Variants in CDK17 observed in about 807,000 individuals in gnomAD.
CDK17 encodes cyclin-dependent kinase 17.
A neutral mutation model predicts 77.6 loss-of-function variants in CDK17; 24 were observed. The ratio of observed to expected loss-of-function variants is 0.31; its 90% CI spans 0.22 to 0.44. The LOEUF is 0.44. CDK17 is among the 20% of genes least tolerant of loss of function. CDK17 has a pLI of 1.00. For missense variants in CDK17, 429 were observed against 622.5 expected, an observed-to-expected ratio of 0.69 and a Z score of 3.31; for synonymous variants, 203 against 210.4, an observed-to-expected ratio of 0.96 and a Z score of 0.30.
intron 3 of CDK17, among the ~76,000 whole-genome samples, chr12:96,316,614 C>A (rs535111004): frequency 2.2e-5 from 3 of 136,418 alleles, no homozygotes; most frequent in Non-Finnish European, 4.8e-5. Flanking sequence ...GATCTGAGAA[C>A]GGGCAGACTG....
chr12:96,286,262 G>C, intron 12 of CDK17, 114 bp from the exon 13 acceptor site: 1 of 277,754 alleles, frequency 3.6e-6, no homozygotes, highest in Non-Finnish European at 6.3e-6. Context: ...ACATTTACCA[G>C]ATGACTTAAC....
intron 1 of CDK17, among the ~76,000 whole-genome samples, chr12:96,358,619 C>T (rs867358197): frequency 1.3e-5 from 2 of 151,806 alleles, no homozygotes; most frequent in African/African-American, 2.4e-5. Flanking sequence ...GTCAGGAGTT[C>T]GAGACCAGCC....
intron 1 of CDK17, among the ~76,000 whole-genome samples, chr12:96,346,080 T>C (rs1953206483): frequency 6.6e-6 from 1 of 152,144 alleles, no homozygotes; most frequent in Non-Finnish European, 1.5e-5. Context: ...TCCCAGGACT[T>C]TGGGAAGTGG....
intron 1 of CDK17, among the ~76,000 whole-genome samples, chr12:96,355,580 G>C (rs1010219561): frequency 6.6e-6 from 1 of 151,626 alleles, no homozygotes; most frequent in Non-Finnish European, 1.5e-5. Context: ...AATTTTTTCT[G>C]TATTTTTAGT....
chr12:96,379,841 T>C (rs1953847360), intron 1 of CDK17, among the ~76,000 whole-genome samples: 1 of 152,144 alleles, frequency 6.6e-6, no homozygotes, highest in Non-Finnish European at 1.5e-5. Context: ...GTTTCTAAAT[T>C]AAACACACAT....
intron 1 of CDK17, among the ~76,000 whole-genome samples, chr12:96,338,774 T>G (rs1359333621): frequency 3.3e-5 from 5 of 151,148 alleles, no homozygotes; most frequent in Non-Finnish European, 7.4e-5. Context: ...CACTAAGGTT[T>G]TTTTTTTTTT....
At chr12:96,289,090 T>TAC in intron 11 of CDK17, 77 bp downstream of exon 11, 1 of 1,444,078 alleles carries the variant, frequency 6.9e-7, no homozygotes, top group Non-Finnish European at 9.7e-7. Context: ...TAAAAGTATA[T>TAC]ACTTATCAAT....
chr12:96,381,766 C>A (rs549295504), intron 1 of CDK17, among the ~76,000 whole-genome samples: 2 of 151,070 alleles, frequency 1.3e-5, no homozygotes, highest in African/African-American at 4.9e-5. Flanking sequence ...AACAACTTAT[C>A]TAGTTTTTTT....
chr12:96,284,253 G>T (rs986204234), intron 13 of CDK17, among the ~76,000 whole-genome samples: 1 of 151,998 alleles, frequency 6.6e-6, no homozygotes, highest in African/African-American at 2.4e-5. Context: ...GGTGGATCAC[G>T]AGGTCAGGAG....
intron 3 of CDK17, among the ~76,000 whole-genome samples, chr12:96,322,548 G>A (rs1952836163): frequency 6.6e-6 from 1 of 151,348 alleles, no homozygotes; most frequent in African/African-American, 2.4e-5. Context: ...ATAAGCCAGG[G>A]CCTGATCTGT....
intron 1 of CDK17, among the ~76,000 whole-genome samples, chr12:96,377,772 C>A (rs996443653): frequency 2.0e-5 from 3 of 147,986 alleles, no homozygotes; most frequent in African/African-American, 7.5e-5. Flanking sequence ...CGGCTCACTG[C>A]AAGCTCCCCC....
At chr12:96,394,583 G>A (rs1272387093) in intron 1 of CDK17, among the ~76,000 whole-genome samples, 1 of 151,826 alleles carries the variant, frequency 6.6e-6, no homozygotes, top group South Asian at 2.1e-4. Context: ...GGGAGACCGA[G>A]GTGCACAGAT....
At chr12:96,283,269 G>C (rs1287621460) in intron 14 of CDK17, among the ~76,000 whole-genome samples, 1 of 152,040 alleles carries the variant, frequency 6.6e-6, no homozygotes, top group African/African-American at 2.4e-5. Flanking sequence ...AATATGAATG[G>C]CATTTGGAGG....
At chr12:96,343,520 G>A (rs754691288) in intron 1 of CDK17, among the ~76,000 whole-genome samples, 5 of 152,302 alleles carry the variant, frequency 3.3e-5, no homozygotes, top group East Asian at 1.9e-4. Flanking sequence ...TGGGGCTACC[G>A]GGCAGGGGAG....
intron 13 of CDK17, among the ~76,000 whole-genome samples, chr12:96,285,505 G>GA (rs1952234508): frequency 6.6e-6 from 1 of 152,106 alleles, no homozygotes; most frequent in South Asian, 2.1e-4. Context: ...GTTATCTCCT[G>GA]AAAATGTAAT....
At chr12:96,327,021 T>C (rs1952900059) in intron 2 of CDK17, among the ~76,000 whole-genome samples, 1 of 152,180 alleles carries the variant, frequency 6.6e-6, no homozygotes, top group Non-Finnish European at 1.5e-5. Flanking sequence ...TAGGGAAGAC[T>C]ACAAAAGGTA....
At chr12:96,355,864 A>T (rs1953386265) in intron 1 of CDK17, among the ~76,000 whole-genome samples, 1 of 152,250 alleles carries the variant, frequency 6.6e-6, no homozygotes, top group African/African-American at 2.4e-5. Flanking sequence ...ATGATAGCAA[A>T]TACTAACATA....
At chr12:96,340,205 ATG>A (rs1953103957) in intron 1 of CDK17, among the ~76,000 whole-genome samples, 1 of 152,100 alleles carries the variant, frequency 6.6e-6, no homozygotes. Context: ...CATTTGAACA[ATG>A]TATCAGGGGA....
chr12:96,316,890 C>T (rs372442076), intron 3 of CDK17, among the ~76,000 whole-genome samples: 17 of 150,354 alleles, frequency 1.1e-4, no homozygotes, highest in Non-Finnish European at 2.2e-4. Flanking sequence ...AACTCTAAAA[C>T]GCAGAGTGCC....
Sources: allele counts gnomAD v4.1 joint callset (sites outside exome capture counted in the v4.1 genomes callset), GRCh38; gene constraint gnomAD v4.1.1; transcripts MANE v1.5; gene names NCBI Gene and HGNC (gene_info 2026-07-23, HGNC 2026-07-21).